Variants in CDH13 observed in about 807,000 individuals in gnomAD.
CDH13 encodes the protein cadherin 13.
Under a neutral mutation model 63.8 loss-of-function variants are expected in CDH13, and 24 were observed. The ratio of observed to expected loss-of-function variants is 0.38; its 90% CI spans 0.27 to 0.53. CDH13 has a LOEUF of 0.53. Ranked by LOEUF, CDH13 falls within the 20% of genes least tolerant of loss-of-function variation. The pLI, the probability that CDH13 is intolerant of heterozygous loss-of-function variation, is 0.85. For missense variants in CDH13, 1,049 were observed against 903.1 expected (o/e 1.16, Z -2.07); for synonymous variants, 503 against 355.3 (o/e 1.42, Z -4.67).
intron 2 of CDH13, among the ~76,000 whole-genome samples, chr16:82,975,549 C>T (rs1280667033): frequency 6.6e-6 from 1 of 152,200 alleles, no homozygotes. Context: ...GCATGCAAAG[C>T]CCCTAATACA....
chr16:83,434,984 AAT>A (rs34092245), intron 6 of CDH13, among the ~76,000 whole-genome samples: 308 of 144,190 alleles, frequency 2.1e-3, no homozygotes, highest in African/African-American at 5.4e-3. Context: ...TAAATAAATA[AAT>A]ATATATATAT....
chr16:83,186,425 C>T lies in CDH13; in HGVS notation c.484-30920C>T, dbSNP rs2038527478. 2.0e-5 allele frequency among the ~76,000 whole-genome samples: 3 copies of T among 152,162 alleles called. 1 individual carries two copies. The highest frequency in any genetic ancestry group is 2.0e-4 in the Admixed American group (3 of 15,278). ...GTGCTGGGATTACAGGCCTGAGCCA[C>T]AGCGCCCGGCCTAATGGCATCTTAG... On this transcript the variant is annotated intron_variant, in intron 4 of 13. Coordinates refer to ENST00000567109, the MANE Select transcript of CDH13 (RefSeq NM_001257.5).
chr16:83,488,283 A>G (rs983179729), intron 7 of CDH13, among the ~76,000 whole-genome samples: 5 of 152,214 alleles, frequency 3.3e-5, no homozygotes, highest in Admixed American at 2.0e-4. Flanking sequence ...TTTCCTGACA[A>G]CAGAGACTGT....
intron 8 of CDH13, among the ~76,000 whole-genome samples, chr16:83,611,845 A>T (rs1217349699): frequency 6.6e-6 from 1 of 151,990 alleles, no homozygotes. Context: ...TTTTCCATTA[A>T]TTTCTATCTT....
chr16:83,249,116 C>G (rs1388767682), intron 5 of CDH13, among the ~76,000 whole-genome samples: 1 of 152,172 alleles, frequency 6.6e-6, no homozygotes, highest in African/African-American at 2.4e-5. Context: ...CTTTTCTCTG[C>G]TGGACCTTCA....
chr16:83,012,723 A>C (rs1914289551), intron 2 of CDH13, among the ~76,000 whole-genome samples: 1 of 152,144 alleles, frequency 6.6e-6, no homozygotes, highest in Admixed American at 6.6e-5. Context: ...TTTGATACCG[A>C]AATTATAGAT....
chr16:83,631,137 C>A (rs1348567158), intron 8 of CDH13, among the ~76,000 whole-genome samples: 1 of 152,160 alleles, frequency 6.6e-6, no homozygotes, highest in African/African-American at 2.4e-5. Flanking sequence ...CATTTTGCAG[C>A]CAGCAGATGC....
At chr16:82,785,891 GC>G (rs2035978180) in intron 1 of CDH13, among the ~76,000 whole-genome samples, 1 of 152,204 alleles carries the variant, frequency 6.6e-6, no homozygotes, top group South Asian at 2.1e-4. Context: ...ACTATGGTGA[GC>G]CCACATTTGG....
At chr16:82,898,577 T>G (rs569683775) in intron 2 of CDH13, among the ~76,000 whole-genome samples, 1 of 152,296 alleles carries the variant, frequency 6.6e-6, no homozygotes, top group South Asian at 2.1e-4. Flanking sequence ...ATAGCACTGG[T>G]CTCATGGATG....
At chr16:82,880,962 T>A (rs576162000) in intron 2 of CDH13, among the ~76,000 whole-genome samples, 16 of 152,344 alleles carry the variant, frequency 1.1e-4, no homozygotes, top group Non-Finnish European at 1.9e-4. Flanking sequence ...GAACAATTTT[T>A]AAAGCCTTTA....
chr16:82,858,300 G>A (rs572011266), intron 1 of CDH13, 62 bp from the exon 2 acceptor site: 146 of 1,152,102 alleles, frequency 1.3e-4, no homozygotes, highest in Middle Eastern at 2.0e-4. Flanking sequence ...CGGATTTGGC[G>A]AAAGTTAGCA....
intron 10 of CDH13, among the ~76,000 whole-genome samples, chr16:83,693,419 A>C (rs1905085585): frequency 6.6e-6 from 1 of 152,174 alleles, no homozygotes; most frequent in Non-Finnish European, 1.5e-5. Context: ...TTTGAGACTG[A>C]TAGGGGTGTT....
chr16:83,111,725 C>G (rs1432260269), intron 3 of CDH13, among the ~76,000 whole-genome samples: 1 of 152,138 alleles, frequency 6.6e-6, no homozygotes, highest in Non-Finnish European at 1.5e-5. Context: ...TCATAAAAAC[C>G]TGGATCATAT....
chr16:83,507,465 A>G (rs1033416641), intron 7 of CDH13, among the ~76,000 whole-genome samples: 4 of 152,252 alleles, frequency 2.6e-5, no homozygotes, highest in Admixed American at 6.5e-5. Context: ...AAAGTAGTTT[A>G]GAAGCAGTAT....
intron 2 of CDH13, among the ~76,000 whole-genome samples, chr16:82,936,623 AT>A (rs1240656299): frequency 6.6e-6 from 1 of 152,148 alleles, no homozygotes; most frequent in East Asian, 1.9e-4. Flanking sequence ...AGGACTGAGA[AT>A]TTGCATTTCT....
At chr16:83,430,289 G>A in intron 6 of CDH13, among the ~76,000 whole-genome samples, 1 of 152,122 alleles carries the variant, frequency 6.6e-6, no homozygotes, top group Non-Finnish European at 1.5e-5. Context: ...GTTGCATGAA[G>A]ATTAACTATA....
chr16:82,766,606 G>A (rs1280537290), intron 1 of CDH13, among the ~76,000 whole-genome samples: 1 of 152,172 alleles, frequency 6.6e-6, no homozygotes, highest in Non-Finnish European at 1.5e-5. Flanking sequence ...AATACCTAAT[G>A]CTTCATACAG....
intron 1 of CDH13, among the ~76,000 whole-genome samples, chr16:82,840,453 T>C (rs2038958362): frequency 6.7e-6 from 1 of 149,512 alleles, no homozygotes; most frequent in African/African-American, 2.5e-5. Flanking sequence ...GAGGCCCAGG[T>C]GGACAGATCA....
intron 5 of CDH13, among the ~76,000 whole-genome samples, chr16:83,248,087 G>A (rs975378617): frequency 6.6e-5 from 10 of 152,176 alleles, no homozygotes; most frequent in African/African-American, 2.4e-4. Flanking sequence ...CTCCTGATCA[G>A]CGGGGTGCTA....
Sources: allele counts gnomAD v4.1 joint callset (sites outside exome capture counted in the v4.1 genomes callset), GRCh38; gene constraint gnomAD v4.1.1; transcripts MANE v1.5; gene names NCBI Gene and HGNC (gene_info 2026-07-23, HGNC 2026-07-21).